Variants in RPS6KA2 observed in about 807,000 individuals in gnomAD.
RPS6KA2 encodes the protein ribosomal protein S6 kinase A2, also known as ribosomal protein S6 kinase alpha-2.
In RPS6KA2, 42 loss-of-function variants were observed where a neutral mutation model predicts 91.8. The ratio of observed to expected loss-of-function variants is 0.46; its 90% CI spans 0.36 to 0.59. RPS6KA2 has a LOEUF of 0.59. Among genes scored for constraint, RPS6KA2 ranks in the 20% least tolerant of loss-of-function variants. RPS6KA2 has a pLI of 0.00. For synonymous variants in RPS6KA2, 414 were observed against 393.6 expected (o/e 1.05, Z -0.61); for missense variants, 798 against 978.5 (o/e 0.82, Z 2.46).
chr6:166,455,091 G>A (rs964553423), intron 12 of RPS6KA2, among the ~76,000 whole-genome samples: 1 of 151,850 alleles, frequency 6.6e-6, no homozygotes, highest in Non-Finnish European at 1.5e-5. Context: ...TTCTCTACCC[G>A]CAGGCCTTTG....
chr6:166,855,365 T>A (rs9364881), intron 2 of RPS6KA2, among the ~76,000 whole-genome samples: 20,116 of 145,058 alleles, frequency 0.14, 1,715 homozygotes, highest in Non-Finnish European at 0.17. Flanking sequence ...AAGATGAAGA[T>A]GAAGAAGAAG....
chr6:166,757,010 C>T (rs929326220), intron 2 of RPS6KA2, among the ~76,000 whole-genome samples: 3 of 151,988 alleles, frequency 2.0e-5, no homozygotes, highest in Non-Finnish European at 4.4e-5. Flanking sequence ...TACTTAATGC[C>T]GCTGAACTGT....
Position 166,774,910 on chromosome 6 carries a change from G to A in RPS6KA2, c.123+83290C>T, listed in dbSNP as rs183916943. Reference sequence around the variant, plus strand: ...TCCCCAGGTGCTTCAATAGCTCTGAGCTGTCCTTTATTTTGGATGAGCCCC... The same window carrying A: ...TCCCCAGGTGCTTCAATAGCTCTGAACTGTCCTTTATTTTGGATGAGCCCC... On this transcript the variant is annotated intron_variant, in intron 2 of 21. Coordinates refer to the RPS6KA2 transcript ENST00000503859. Among the ~76,000 whole-genome samples the A allele has an allele frequency of 3.7e-4, 52 of 139,904 alleles. No individual in the cohort carries two copies. The East Asian group carries it at 9.1e-3, about 24-fold the overall frequency. 91.8% of individuals were successfully genotyped at this position (139,904 alleles called of 152,430 possible). A position where few individuals can be genotyped will look rare whatever the true frequency, so the allele number is the denominator to read the frequency against.
intron 16 of RPS6KA2, among the ~76,000 whole-genome samples, chr6:166,424,498 C>A (rs149538435): frequency 6.6e-5 from 10 of 152,328 alleles, no homozygotes; most frequent in Admixed American, 2.0e-4. Flanking sequence ...AGATGGCGCA[C>A]AGAGGAAACA....
chr6:166,807,498 T>G (rs1290771385), intron 2 of RPS6KA2, among the ~76,000 whole-genome samples: 1 of 152,072 alleles, frequency 6.6e-6, no homozygotes, highest in African/African-American at 2.4e-5. Context: ...CATCTCTTCC[T>G]AACGCACAGC....
chr6:166,760,403 T>C (rs763432399), intron 2 of RPS6KA2, among the ~76,000 whole-genome samples: 2 of 152,240 alleles, frequency 1.3e-5, no homozygotes, highest in South Asian at 2.1e-4. Context: ...AGCAAAGCAA[T>C]TGAACTACAT....
intron 1 of RPS6KA2, among the ~76,000 whole-genome samples, chr6:166,590,873 T>C (rs1785333953): frequency 6.6e-6 from 1 of 152,088 alleles, no homozygotes; most frequent in African/African-American, 2.4e-5. Flanking sequence ...AGACACGACT[T>C]AGAGTAAGGC....
In RPS6KA2 at chr6:166,821,043, G is replaced by C. The variant is rs1171265859; in HGVS notation, c.123+37157C>G. Among the ~76,000 whole-genome samples, 1 of 152,104 alleles carries C rather than the reference G, an allele frequency of 6.6e-6. No individual in the cohort carries two copies. The highest frequency in any genetic ancestry group is 2.4e-5 in the African/African-American group (1 of 41,414). On this transcript the variant is annotated intron_variant, in intron 2 of 21. Transcript: ENST00000503859. This position sits in a 1 kb window ranked among gnomAD's most constrained non-coding sequence, Gnocchi z 4.1. ...AAGGGCAGGGACAAGCAGGTGTCTT[G>C]GAATGATGGGTCCAGGGCTATAGGG...
At chr6:166,702,672 C>T (rs3817828) in intron 2 of RPS6KA2, 1,011,232 of 1,510,320 alleles carry the variant, frequency 0.67, 347,184 homozygotes, top group South Asian at 0.82. Context: ...TACCTGAAAG[C>T]GCCTCAATGG....
At position 166,567,271 on chromosome 6, in the gene RPS6KA2, G is replaced by A. The variant is rs181691520; in HGVS notation, c.100-28487C>T. On this transcript the variant is annotated intron_variant, in intron 1 of 20. Transcript: ENST00000265678. ...CCAAATCCTTGACATGTGCTTGGCC[G>A]TGAGCCTGCAGCCCTGCCTGTCCTC... is the stretch of plus-strand genomic sequence containing the variant. 8.5e-3 allele frequency among the ~76,000 whole-genome samples: 1,293 copies of A among 152,250 alleles called. 14 individuals are homozygous for A. The highest frequency in any genetic ancestry group is 0.012 in the Non-Finnish European group (831 of 68,010).
chr6:166,627,577 C>A (rs2128544156), upstream of RPS6KA2: 1 of 152,970 alleles, frequency 6.5e-6, no homozygotes, highest in African/African-American at 2.4e-5. Flanking sequence ...CCACGCGGTT[C>A]CGCCCACGGC....
chr6:166,491,185 C>G (rs1011973512), intron 8 of RPS6KA2, among the ~76,000 whole-genome samples: 3 of 152,162 alleles, frequency 2.0e-5, no homozygotes, highest in Non-Finnish European at 4.4e-5. Flanking sequence ...ATGGTGGGGG[C>G]TAGAGTGCTT....
At position 166,444,666 on chromosome 6, in the gene RPS6KA2, G is replaced by A. The variant is rs144637415; in HGVS notation, c.1332+4058C>T. 2.0e-4 allele frequency among the ~76,000 whole-genome samples: 31 copies of A among 152,364 alleles called. No homozygotes were observed. The East Asian group carries it at 3.5e-3, about 17-fold the overall frequency. On this transcript the variant is annotated intron_variant, in intron 14 of 20. Coordinates refer to ENST00000265678, the MANE Select transcript of RPS6KA2 (RefSeq NM_021135.6). ...GAAGAGGGTCGGTGTCTTCCCGCCC[G>A]AGGCCGGACTGCCCCAGTGAAGGAT...
chr6:166,651,585 C>A (rs1435079289), intron 2 of RPS6KA2, among the ~76,000 whole-genome samples: 1 of 152,306 alleles, frequency 6.6e-6, no homozygotes, highest in East Asian at 1.9e-4. Flanking sequence ...AAAATTTCCT[C>A]GAAGCACTTT....
intron 14 of RPS6KA2, among the ~76,000 whole-genome samples, chr6:166,443,377 C>T (rs944091236): frequency 9.2e-5 from 14 of 152,166 alleles, no homozygotes; most frequent in African/African-American, 2.7e-4. Context: ...GCACTCACAG[C>T]GTCCCTAGTG....
intron 1 of RPS6KA2, among the ~76,000 whole-genome samples, chr6:166,616,204 G>A (rs1452001117): frequency 6.6e-6 from 1 of 152,196 alleles, no homozygotes; most frequent in Non-Finnish European, 1.5e-5. Context: ...TAAGGCAGAT[G>A]TTATACTAAT....
At chr6:166,499,135 C>CAGGCGGAGGAGGCCTGGGGAGCAG (rs1262600174) in intron 7 of RPS6KA2, among the ~76,000 whole-genome samples, 1 of 152,194 alleles carries the variant, frequency 6.6e-6, no homozygotes, top group East Asian at 1.9e-4. Flanking sequence ...AGAGCACAGA[C>CAGGCGGAGGAGGCCTGGGGAGCAG]AGGCGGAGGA....
chr6:166,429,561 A>G (rs767989640), intron 16 of RPS6KA2, among the ~76,000 whole-genome samples: 37 of 151,930 alleles, frequency 2.4e-4, no homozygotes, highest in Non-Finnish European at 4.4e-4. Context: ...AGCGATTCTC[A>G]TGCCTCTGTC....
At chr6:166,496,169 G>A (rs1390208540) in intron 8 of RPS6KA2, among the ~76,000 whole-genome samples, 7 of 152,014 alleles carry the variant, frequency 4.6e-5, no homozygotes, top group Admixed American at 1.3e-4. Flanking sequence ...TGGGCAACAC[G>A]ATGAAACCCT....
Sources: allele counts gnomAD v4.1 joint callset (sites outside exome capture counted in the v4.1 genomes callset), GRCh38; gene constraint gnomAD v4.1.1; non-coding constraint Gnocchi (gnomAD v3.1); transcripts MANE v1.5; gene names NCBI Gene and HGNC (gene_info 2026-07-23, HGNC 2026-07-21).